The following NLGN1 variants were observed in gnomAD, a reference collection of about 807,000 sequenced individuals.
NLGN1 encodes neuroligin-1.
NLGN1 carries 12 observed loss-of-function variants against 65.5 expected under a neutral mutation model. The observed-to-expected ratio is 0.18, with a 90% CI of 0.12 to 0.30. The LOEUF (loss-of-function observed/expected upper bound fraction) is 0.30, where lower values mean the gene tolerates loss of function less well. Among genes scored for constraint, NLGN1 ranks in the 10% least tolerant of loss-of-function variants. The pLI is 1.00. For synonymous variants in NLGN1, 350 were observed against 359.5 expected (o/e 0.97, Z 0.30); for missense variants, 750 against 1,007.1 (o/e 0.74, Z 3.46).
chr3:173,856,569 G>A (rs1430587117), intron 4 of NLGN1, among the ~76,000 whole-genome samples: 2 of 152,058 alleles, frequency 1.3e-5, no homozygotes, highest in African/African-American at 2.4e-5. Flanking sequence ...AGGAGCTATC[G>A]TCCAGCAAAA....
chr3:174,240,596 C>T lies in NLGN1; in HGVS notation c.647-34719C>T, dbSNP rs9819984. ...GGATATCTAGAAAGTAACAAAAAATCGCACACCCAGTCTCTCTGCAACTGT... is the reference window on the plus strand; with the variant it reads ...GGATATCTAGAAAGTAACAAAAAATTGCACACCCAGTCTCTCTGCAACTGT... On this transcript the variant is annotated intron_variant, in intron 4 of 6. Transcript: ENST00000457714. 3.5e-3 allele frequency among the ~76,000 whole-genome samples: 531 copies of T among 152,196 alleles called. 2 individuals are homozygous for T. The highest frequency in any genetic ancestry group is 0.012 in the African/African-American group (512 of 41,560).
At chr3:173,407,252 A>G (rs370201224) in intron 1 of NLGN1, among the ~76,000 whole-genome samples, 1 of 152,204 alleles carries the variant, frequency 6.6e-6, no homozygotes. Flanking sequence ...GGAATCATTT[A>G]TTTCTAAAAA....
rs1426294696 is a variant in NLGN1 at position 173,862,493 on chromosome 3, G to A, written c.646+54661G>A. ...TGCACTCCAGCCTGGGCGACAGAGC[G>A]AGACTCCGTCTCAAAAAAAAAAAAA... On this transcript the variant is annotated intron_variant, in intron 4 of 6. Coordinates refer to ENST00000457714, the Ensembl canonical transcript of NLGN1. Among the ~76,000 whole-genome samples, 4 of 110,546 alleles carry A rather than the reference G, an allele frequency of 3.6e-5. No individual in the cohort carries two copies. In the East Asian group the frequency reaches 7.8e-4, roughly 22 times the overall value. The allele number at this position is 110,546 out of a possible 152,430, so 72.5% of individuals were successfully genotyped here. A position where few individuals can be genotyped will look rare whatever the true frequency, so the allele number is the denominator to read the frequency against.
intron 2 of NLGN1, among the ~76,000 whole-genome samples, chr3:173,569,334 TTTCC>T (rs1744245945): frequency 1.3e-5 from 2 of 152,242 alleles, no homozygotes; most frequent in African/African-American, 4.8e-5. Context: ...GTGAGAGATT[TTTCC>T]TTCATCTGTC....
chr3:173,960,456 T>C (rs1436194431), intron 4 of NLGN1, among the ~76,000 whole-genome samples: 1 of 151,968 alleles, frequency 6.6e-6, no homozygotes, highest in East Asian at 1.9e-4. Context: ...GGGGAGTTCT[T>C]TTTCTTTTAA....
chr3:173,400,985 G>A (rs1717573443), intron 1 of NLGN1, among the ~76,000 whole-genome samples: 1 of 151,720 alleles, frequency 6.6e-6, no homozygotes, highest in African/African-American at 2.4e-5. Flanking sequence ...CTATTATCTC[G>A]AAACCTTTCT....
At chr3:173,678,599 C>T (rs546594672) in intron 3 of NLGN1, among the ~76,000 whole-genome samples, 3 of 151,862 alleles carry the variant, frequency 2.0e-5, no homozygotes, top group Non-Finnish European at 2.9e-5. Context: ...ATGGCTATAG[C>T]GACTATAAAG....
At chr3:173,495,880 A>G (rs753773506) in intron 2 of NLGN1, among the ~76,000 whole-genome samples, 30 of 151,772 alleles carry the variant, frequency 2.0e-4, no homozygotes, top group Non-Finnish European at 3.4e-4. Flanking sequence ...TAGAAGACAT[A>G]TATCTTCTTA....
chr3:174,176,767 A>G (rs950967038), intron 4 of NLGN1, among the ~76,000 whole-genome samples: 18 of 152,094 alleles, frequency 1.2e-4, no homozygotes, highest in Admixed American at 8.5e-4. Flanking sequence ...AATTGCATGT[A>G]TGCAACAACG....
At chr3:173,686,717 G>C in intron 3 of NLGN1, among the ~76,000 whole-genome samples, 1 of 152,108 alleles carries the variant, frequency 6.6e-6, no homozygotes, top group Non-Finnish European at 1.5e-5. Context: ...CACTTTGGGA[G>C]GCCGAGGCAG....
At chr3:173,604,606 T>G (rs779409897) in exon 3 of NLGN1, 1 of 1,613,278 alleles carries the variant, frequency 6.2e-7, no homozygotes, top group Non-Finnish European at 8.5e-7. Context: ...ACCATGGCAC[T>G]GCCCAGATGC....
At chr3:173,674,388 T>C (rs1454631092) in intron 3 of NLGN1, among the ~76,000 whole-genome samples, 1 of 151,814 alleles carries the variant, frequency 6.6e-6, no homozygotes, top group African/African-American at 2.4e-5. Flanking sequence ...ATCCCAACTT[T>C]ACAGATGAGG....
rs141088642 is a variant in NLGN1, at chr3:173,479,449, C to T, written c.-321+44371C>T. On this transcript the variant is annotated intron_variant, in intron 2 of 6. Coordinates refer to ENST00000457714, the Ensembl canonical transcript of NLGN1. ...TCCATAGAGCTGGATACAAAGGAGC[C>T]TAGTTATCACAATCGTGAAATCTGG... Among the ~76,000 whole-genome samples the T allele has an allele frequency of 1.0e-3, 154 of 152,286 alleles. 2 individuals are homozygous for T. Among genetic ancestry groups the T allele is most frequent in the Middle Eastern group, 6.8e-3 (2 of 294 alleles).
intron 4 of NLGN1, among the ~76,000 whole-genome samples, chr3:174,214,072 T>C (rs1737172318): frequency 6.6e-6 from 1 of 152,160 alleles, no homozygotes; most frequent in East Asian, 1.9e-4. Context: ...AGGGGTTTTT[T>C]TGATGTTACT....
chr3:174,264,416 G>A (rs371997029), intron 4 of NLGN1, among the ~76,000 whole-genome samples: 5 of 146,262 alleles, frequency 3.4e-5, no homozygotes, highest in Admixed American at 7.0e-5. Flanking sequence ...TTCCCTTCTC[G>A]CTTCATTTCA....
At chr3:174,256,594 G>A (rs1011078409) in intron 4 of NLGN1, among the ~76,000 whole-genome samples, 68 of 152,002 alleles carry the variant, frequency 4.5e-4, no homozygotes, top group African/African-American at 1.4e-3. Context: ...TATGTGCAAC[G>A]TATGTGAGAT....
At chr3:173,415,071 A>G (rs1284840215) in intron 1 of NLGN1, among the ~76,000 whole-genome samples, 1 of 152,256 alleles carries the variant, frequency 6.6e-6, no homozygotes, top group African/African-American at 2.4e-5. Flanking sequence ...TTCTTCATCA[A>G]GCAAAGTCAG....
intron 4 of NLGN1, among the ~76,000 whole-genome samples, chr3:173,980,808 T>C (rs1718614962): frequency 6.6e-6 from 1 of 152,116 alleles, no homozygotes; most frequent in African/African-American, 2.4e-5. Flanking sequence ...ATGTGACTAA[T>C]CCTCCAAAAT....
chr3:174,242,528 C>T (rs1330419058), intron 4 of NLGN1, among the ~76,000 whole-genome samples: 1 of 152,082 alleles, frequency 6.6e-6, no homozygotes, highest in Non-Finnish European at 1.5e-5. Context: ...AAATCAGTGG[C>T]AGCATTAGAT....
Sources: allele counts gnomAD v4.1 joint callset (sites outside exome capture counted in the v4.1 genomes callset), GRCh38; gene constraint gnomAD v4.1.1; transcripts MANE v1.5; gene names NCBI Gene and HGNC (gene_info 2026-07-23, HGNC 2026-07-21).